UGGT2: variants seen among roughly 807,000 people sequenced by gnomAD.
The protein encoded by UGGT2 is UDP-glucose glycoprotein glucosyltransferase 2, also known as UDP-glucose:glycoprotein glucosyltransferase 2.
In UGGT2, 180 loss-of-function variants were observed where a neutral mutation model predicts 192.1. The ratio of observed to expected loss-of-function variants is 0.94; its 90% CI spans 0.83 to 1.06. The LOEUF (loss-of-function observed/expected upper bound fraction) is 1.06, where lower values mean the gene tolerates loss of function less well. UGGT2 is among the 50% of genes least tolerant of loss of function. The pLI, the probability that UGGT2 is intolerant of heterozygous loss-of-function variation, is 0.00. For synonymous variants in UGGT2, 580 were observed against 591.0 expected, an observed-to-expected ratio of 0.98 and a Z score of 0.27; for missense variants, 1,849 against 1,795.7, an observed-to-expected ratio of 1.03 and a Z score of -0.54.
At chr13:95,861,724 T>C (rs1167241818) in intron 31 of UGGT2, among the ~76,000 whole-genome samples, 1 of 152,130 alleles carries the variant, frequency 6.6e-6, no homozygotes, top group Non-Finnish European at 1.5e-5. Flanking sequence ...TCAAAGTTAT[T>C]TTGCAAAATA....
chr13:95,989,499 C>G, intron 8 of UGGT2: 1 of 292,320 alleles, frequency 3.4e-6, no homozygotes, highest in Non-Finnish European at 7.3e-6. Flanking sequence ...TGTAGGTTTT[C>G]AGTACAGAAG....
intron 5 of UGGT2, among the ~76,000 whole-genome samples, chr13:96,006,616 T>A (rs190718220): frequency 0.03 from 3,510 of 118,572 alleles, 51 homozygotes; most frequent in Non-Finnish European, 0.035. Context: ...AGAGCGAGAT[T>A]CTGCCTCAAA....
At chr13:95,825,312 T>C (rs2139824079) in intron 38 of UGGT2, among the ~76,000 whole-genome samples, 1 of 152,244 alleles carries the variant, frequency 6.6e-6, no homozygotes, top group Admixed American at 6.5e-5. Context: ...TAATATCCAA[T>C]GGTGGACAGA....
In UGGT2 at chr13:95,947,079, T is replaced by G. The variant is rs1055756134; in HGVS notation, c.1635A>C (p.Ala545=). ...VALWRAFNYI[A]EEFDISEAFI... ...ATGCTTCTGATATATCAAATTCTTC[T>G]GCAATATAGTTGAAAGCTCGCCAGA... is the stretch of plus-strand genomic sequence containing the variant. The change falls in exon 15 of 39, where the codon GCA becomes GCC. Residue 545 remains alanine, a synonymous_variant. Transcript: ENST00000376747. 2 of 1,609,682 alleles carry G rather than the reference T, an allele frequency of 1.2e-6. No homozygotes were observed. Among genetic ancestry groups the G allele is most frequent in the South Asian group, 1.1e-5 (1 of 89,938 alleles).
chr13:95,809,298 T>C, intron 38 of UGGT2: 1 of 511,712 alleles, frequency 2.0e-6, no homozygotes, highest in South Asian at 1.4e-5. Flanking sequence ...AGACATGGTA[T>C]AGGATATTAA....
chr13:95,923,866 G>A (rs1435994677), intron 20 of UGGT2, among the ~76,000 whole-genome samples: 1 of 152,070 alleles, frequency 6.6e-6, no homozygotes, highest in African/African-American at 2.4e-5. Context: ...TAGGTTTTAT[G>A]GGTGATTACT....
chr13:95,887,333 T>C (rs1443296486), intron 26 of UGGT2: 1 of 512,054 alleles, frequency 2.0e-6, no homozygotes, highest in Admixed American at 2.0e-5. Context: ...TAAGAATGGC[T>C]CATAATGAAT....
At chr13:95,996,319 C>A (rs939338063) in intron 6 of UGGT2, among the ~76,000 whole-genome samples, 184 bp from the exon 7 acceptor site, 2 of 151,988 alleles carry the variant, frequency 1.3e-5, no homozygotes, top group Middle Eastern at 6.8e-3. Flanking sequence ...CTGACCAACA[C>A]AGTGAAACCT....
At chr13:95,930,885 A>G (rs553911794) in intron 17 of UGGT2, among the ~76,000 whole-genome samples, 10 of 152,280 alleles carry the variant, frequency 6.6e-5, no homozygotes, top group African/African-American at 2.4e-4. Flanking sequence ...GCAGACTTTT[A>G]TGGTGAGTGT....
intron 1 of UGGT2, among the ~76,000 whole-genome samples, chr13:96,042,880 C>G (rs1477059351): frequency 2.0e-5 from 3 of 151,862 alleles, no homozygotes; most frequent in Non-Finnish European, 4.4e-5. Context: ...AATGACCAAA[C>G]CTAAGAATAA....
intron 36 of UGGT2, among the ~76,000 whole-genome samples, chr13:95,848,326 C>T (rs973210960): frequency 6.6e-6 from 1 of 152,180 alleles, no homozygotes; most frequent in African/African-American, 2.4e-5. Context: ...TCAATTATTA[C>T]TTCACGGATC....
intron 15 of UGGT2, among the ~76,000 whole-genome samples, chr13:95,942,224 GTGTGTGTGTGTGTGTGTGT>G (rs2049711658): frequency 3.6e-4 from 30 of 82,728 alleles, no homozygotes; most frequent in African/African-American, 4.8e-4. Context: ...GGGTGAGGGT[GTGTGTGTGTGTGTGTGTGT>G]GTGTGTGTGT....
intron 5 of UGGT2, among the ~76,000 whole-genome samples, chr13:96,009,402 C>T (rs781756399): frequency 2.6e-5 from 4 of 152,110 alleles, no homozygotes; most frequent in Admixed American, 6.6e-5. Context: ...AGAGTAAACA[C>T]GCAACCTACA....
rs112847633 is a variant in UGGT2 at position 95,830,738 on chromosome 13, A to G, written c.4528+2189T>C. ...AGTGTGGCGATTCCTCAAGGATCTAAAACTAGAAATACCATTTGACCCAGC... is the reference window on the plus strand; with the variant it reads ...AGTGTGGCGATTCCTCAAGGATCTAGAACTAGAAATACCATTTGACCCAGC... On this transcript the variant is annotated intron_variant, in intron 38 of 38. Coordinates refer to ENST00000376747, the MANE Select transcript of UGGT2 (RefSeq NM_020121.4). Among the ~76,000 whole-genome samples, 21 of 152,232 alleles carry G rather than the reference A, an allele frequency of 1.4e-4. No individual in the cohort carries two copies. In the East Asian group the frequency reaches 1.5e-3, roughly 11 times the overall value.
intron 17 of UGGT2, among the ~76,000 whole-genome samples, chr13:95,930,223 G>A (rs957153159): frequency 6.6e-6 from 1 of 152,026 alleles, no homozygotes; most frequent in African/African-American, 2.4e-5. Flanking sequence ...TCTGTAGGCT[G>A]TCTGTTTACT....
intron 38 of UGGT2, among the ~76,000 whole-genome samples, chr13:95,831,276 T>C (rs896270124): frequency 3.3e-5 from 5 of 152,058 alleles, no homozygotes; most frequent in African/African-American, 1.2e-4. Context: ...TAAAGTATAA[T>C]AATAATAAAA....
At chr13:95,972,757 T>C in intron 10 of UGGT2, 86 bp from the exon 11 acceptor site, 1 of 1,001,560 alleles carries the variant, frequency 1.0e-6, no homozygotes, top group Non-Finnish European at 1.5e-6. Context: ...CTATAAAGAG[T>C]CAGAGAGTAA....
chr13:95,805,918 T>G (rs1361729164), intron 38 of UGGT2, among the ~76,000 whole-genome samples: 1 of 151,952 alleles, frequency 6.6e-6, no homozygotes, highest in Non-Finnish European at 1.5e-5. Context: ...TTACGTGATT[T>G]TTTTAACCAC....
In UGGT2 at chr13:95,856,289, G is replaced by C; in HGVS notation, c.3877C>G (p.Gln1293Glu). 6.2e-7 allele frequency: 1 copy of C among 1,613,086 alleles called. No homozygotes were observed. The highest frequency in any genetic ancestry group is 8.5e-7 in the Non-Finnish European group (1 of 1,179,706). Residue 1293 changes from glutamine (Q) to glutamate (E), a missense_variant, in exon 34 of 39, where the codon CAA becomes GAA. By Grantham distance (29) the Gln-to-Glu change is conservative. Transcript: ENST00000376747. ...CGAAGCCAACGGGGCCACCTATATT[G>C]AACTAGTTCATATCGGAATCCATAC... ...KEYGFRYELVQYRWPRWLRQQ... is the reference protein window; with the variant it reads ...KEYGFRYELVEYRWPRWLRQQ...
Sources: allele counts gnomAD v4.1 joint callset (sites outside exome capture counted in the v4.1 genomes callset), GRCh38; gene constraint gnomAD v4.1.1; transcripts MANE v1.5; gene names NCBI Gene and HGNC (gene_info 2026-07-23, HGNC 2026-07-21).